Variants in FGGY observed in about 807,000 individuals in gnomAD.
The protein encoded by FGGY is FGGY carbohydrate kinase domain-containing protein.
FGGY carries 72 observed loss-of-function variants against 71.3 expected under a neutral mutation model. That is an observed-to-expected ratio of 1.01 (90% CI 0.84 to 1.23). FGGY has a LOEUF of 1.23. Among genes scored for constraint, FGGY ranks in the 50% most tolerant of loss-of-function variants. The pLI is 0.00. For missense variants in FGGY, 668 were observed against 682.3 expected (o/e 0.98, Z 0.23); for synonymous variants, 251 against 250.3 (o/e 1.00, Z -0.02).
chr1:59,594,319 A>G (rs185445857), intron 8 of FGGY, among the ~76,000 whole-genome samples: 2 of 152,370 alleles, frequency 1.3e-5, no homozygotes, highest in Admixed American at 6.5e-5. Context: ...AAAGTTAAAT[A>G]GTTAGCTCTC....
chr1:59,614,775 T>C (rs1424761627), intron 9 of FGGY, among the ~76,000 whole-genome samples: 2 of 152,196 alleles, frequency 1.3e-5, no homozygotes, highest in Admixed American at 6.5e-5. Flanking sequence ...AAAATCTCCT[T>C]AAGCTGATAA....
chr1:59,568,464 C>CGGGGGG (rs56724590), intron 8 of FGGY, among the ~76,000 whole-genome samples: 1 of 59,402 alleles, frequency 1.7e-5, no homozygotes, highest in Non-Finnish European at 3.7e-5. Context: ...GTCGGGGGGG[C>CGGGGGG]GGGGGGGGGT....
chr1:59,706,168 CT>C (rs1394246008), intron 14 of FGGY, among the ~76,000 whole-genome samples: 4 of 152,172 alleles, frequency 2.6e-5, no homozygotes, highest in African/African-American at 9.7e-5. Flanking sequence ...TAAATTTCCC[CT>C]GCCTTTGAGA....
intron 10 of FGGY, among the ~76,000 whole-genome samples, chr1:59,627,509 C>G (rs2096870942): frequency 1.4e-5 from 2 of 139,902 alleles, no homozygotes; most frequent in Admixed American, 7.2e-5. Flanking sequence ...CACACACACA[C>G]AGCTGGATAT....
At chr1:59,466,100 A>C (rs2092607427) in intron 6 of FGGY, among the ~76,000 whole-genome samples, 1 of 152,226 alleles carries the variant, frequency 6.6e-6, no homozygotes, top group Admixed American at 6.5e-5. Flanking sequence ...CCTGACTTCA[A>C]ACTATACTAC....
At chr1:59,693,306 T>TAA (rs916986074) in intron 14 of FGGY, among the ~76,000 whole-genome samples, 1 of 152,238 alleles carries the variant, frequency 6.6e-6, no homozygotes, top group Non-Finnish European at 1.5e-5. Context: ...TTTCTATCAG[T>TAA]AAAATTTCTT....
chr1:59,638,092 G>T, intron 10 of FGGY, 136 bp from the exon 11 acceptor site: 1 of 792,556 alleles, frequency 1.3e-6, no homozygotes, highest in Non-Finnish European at 2.0e-6. Flanking sequence ...TGAGAGTACA[G>T]TGGGCTAGCT....
chr1:59,347,574 T>C (rs2052334551), intron 4 of FGGY, among the ~76,000 whole-genome samples: 1 of 152,130 alleles, frequency 6.6e-6, no homozygotes, highest in South Asian at 2.1e-4. Context: ...TGCATGTGTC[T>C]TTATAGTAGC....
chr1:59,394,236 G>A (rs1339863868), intron 5 of FGGY, among the ~76,000 whole-genome samples: 2 of 152,118 alleles, frequency 1.3e-5, no homozygotes, highest in African/African-American at 2.4e-5. Flanking sequence ...AAAGCTCAAG[G>A]TATTTGTTTT....
chr1:59,477,084 A>G (rs773444442), intron 6 of FGGY, among the ~76,000 whole-genome samples: 2 of 152,180 alleles, frequency 1.3e-5, no homozygotes, highest in Non-Finnish European at 2.9e-5. Context: ...ATCTGACCTC[A>G]TGCCATTATT....
chr1:59,757,342 T>C (rs905598626), intron 14 of FGGY, among the ~76,000 whole-genome samples: 14 of 152,242 alleles, frequency 9.2e-5, no homozygotes, highest in Middle Eastern at 6.8e-3. Flanking sequence ...GAGTGCCCCA[T>C]TGTAAAGAAA....
intron 8 of FGGY, among the ~76,000 whole-genome samples, chr1:59,580,433 G>C (rs1274610041): frequency 6.6e-6 from 1 of 152,026 alleles, no homozygotes; most frequent in African/African-American, 2.4e-5. Flanking sequence ...TTAGAATCCT[G>C]TGCATCCTCT....
At chr1:59,640,519 G>C (rs1291213149) in intron 11 of FGGY, among the ~76,000 whole-genome samples, 1 of 152,100 alleles carries the variant, frequency 6.6e-6, no homozygotes, top group Non-Finnish European at 1.5e-5. Flanking sequence ...GAGTGGGCGA[G>C]TGCTTGAAAA....
chr1:59,647,709 G>A (rs866079203), intron 11 of FGGY, among the ~76,000 whole-genome samples: 8 of 150,646 alleles, frequency 5.3e-5, no homozygotes, highest in African/African-American at 1.7e-4. Context: ...AGAGGCCTCC[G>A]GCATTCCTGG....
chr1:59,578,414 T>A (rs1372405155), intron 8 of FGGY, among the ~76,000 whole-genome samples: 3 of 151,952 alleles, frequency 2.0e-5, no homozygotes, highest in Non-Finnish European at 4.4e-5. Flanking sequence ...GACCCCTGTA[T>A]GGAGGAACCC....
In FGGY at chr1:59,406,600, C is replaced by T. The variant is rs1325078767; in HGVS notation, c.554+27763C>T. On this transcript the variant is annotated intron_variant, in intron 5 of 15. Transcript: ENST00000303721. ...AATGAGTTGTTTTTAAGCAAGAATA[C>T]ACATGAAACAGGGTTGCGTATTGAT... Among the ~76,000 whole-genome samples the T allele has an allele frequency of 2.0e-5, 3 of 152,080 alleles. No homozygotes were observed. In the East Asian group the frequency reaches 5.8e-4, roughly 29 times the overall value.
rs559733687 is a variant in FGGY, at chr1:59,536,056, A to G, written c.800-18068A>G. ...AATGAATCCAGGAGCTGGTTTTTTG[A>G]AAGGATCAACAAAATTGATAGACCT... On this transcript the variant is annotated intron_variant, in intron 7 of 15. Coordinates refer to ENST00000303721, the MANE Select transcript of FGGY (RefSeq NM_018291.5). Among the ~76,000 whole-genome samples, 13 of 151,762 alleles carry G rather than the reference A, an allele frequency of 8.6e-5. No individual in the cohort carries two copies. In the South Asian group the frequency reaches 2.3e-3, roughly 27 times the overall value.
chr1:59,580,722 A>C (rs1189788809), intron 8 of FGGY, among the ~76,000 whole-genome samples: 1 of 152,102 alleles, frequency 6.6e-6, no homozygotes, highest in Admixed American at 6.5e-5. Context: ...AGAATTTTCA[A>C]TCCCTCTATT....
chr1:59,417,072 T>C (rs1015647908), intron 5 of FGGY, among the ~76,000 whole-genome samples: 11 of 152,176 alleles, frequency 7.2e-5, no homozygotes, highest in Admixed American at 6.5e-4. Flanking sequence ...TTCCAAAACA[T>C]TTTCTTCGCC....
Sources: allele counts gnomAD v4.1 joint callset (sites outside exome capture counted in the v4.1 genomes callset), GRCh38; gene constraint gnomAD v4.1.1; transcripts MANE v1.5; gene names NCBI Gene and HGNC (gene_info 2026-07-23, HGNC 2026-07-21).